GON4L: variants seen among roughly 807,000 people sequenced by gnomAD.
The protein encoded by GON4L is gon-4 like.
A neutral mutation model predicts 211.8 loss-of-function variants in GON4L; 87 were observed. The ratio of observed to expected loss-of-function variants is 0.41; its 90% CI spans 0.35 to 0.49. The LOEUF is 0.49. GON4L is among the 20% of genes least tolerant of loss of function. GON4L has a pLI of 0.15. For synonymous variants in GON4L, 875 were observed against 962.6 expected, an observed-to-expected ratio of 0.91 and a Z score of 1.68; for missense variants, 2,155 against 2,659.5, an observed-to-expected ratio of 0.81 and a Z score of 4.17.
chr1:155,802,521 G>A (rs898878194), intron 11 of GON4L, among the ~76,000 whole-genome samples: 1 of 152,008 alleles, frequency 6.6e-6, no homozygotes, highest in Non-Finnish European at 1.5e-5. Flanking sequence ...TCTTTCCAAG[G>A]TCCATTTCAA....
chr1:155,759,283 A>T (rs1321208317), intron 24 of GON4L, among the ~76,000 whole-genome samples: 8 of 152,172 alleles, frequency 5.3e-5, no homozygotes, highest in Admixed American at 1.3e-4. Context: ...CTTTAAAAAA[A>T]TTTTTTGGCC....
In GON4L at chr1:155,775,093, G is replaced by A; in HGVS notation, c.2259C>T (p.Pro753=). The A allele has an allele frequency of 1.2e-6, 2 of 1,613,940 alleles. No homozygotes were observed. Among genetic ancestry groups the A allele is most frequent in the Non-Finnish European group, 1.7e-6 (2 of 1,179,858 alleles). ...YNPKFQTLFQ[P]CNLMGAMQLI... is the part of the protein sequence containing the mutation. ...GCTGCATAGCTCCCATCAAGTTACA[G>A]GGTTGGAACAGGGTCTGAAACTTGG... The change falls in exon 17 of 32, where the codon CCC becomes CCT. Residue 753 remains proline (P), a synonymous_variant. Coordinates refer to ENST00000368331, the MANE Select transcript of GON4L (RefSeq NM_001282860.2).
At chr1:155,826,730 T>C (rs1349560940) in intron 3 of GON4L, 107 bp downstream of exon 3, 2 of 769,204 alleles carry the variant, frequency 2.6e-6, no homozygotes, top group Non-Finnish European at 4.4e-6. Context: ...TGTATTAAAT[T>C]TGTAAAAATA....
intron 26 of GON4L, 37 bp from the exon 27 acceptor site, chr1:155,757,114 G>A (rs746883699): frequency 1.9e-6 from 3 of 1,613,742 alleles, no homozygotes; most frequent in Non-Finnish European, 2.5e-6. Flanking sequence ...ACAGACACCA[G>A]GCCAATATCC....
chr1:155,803,247 CT>C (rs1017161138), intron 11 of GON4L, among the ~76,000 whole-genome samples: 169 of 141,066 alleles, frequency 1.2e-3, no homozygotes, highest in Middle Eastern at 3.7e-3. Flanking sequence ...ATTTCTTTTT[CT>C]TTTTTTTTTT....
At chr1:155,812,536 T>C (rs1667881379) in intron 10 of GON4L, among the ~76,000 whole-genome samples, 1 of 151,974 alleles carries the variant, frequency 6.6e-6, no homozygotes, top group South Asian at 2.1e-4. Flanking sequence ...TTTAATATAT[T>C]ATGTAATATT....
chr1:155,751,653 T>G, intron 31 of GON4L, 114 bp downstream of exon 31: 11 of 737,898 alleles, frequency 1.5e-5, no homozygotes, highest in Non-Finnish European at 2.6e-5. Context: ...AGATCAAACC[T>G]TTACAAAAAC....
At chr1:155,808,858 C>T (rs1489539244) in intron 10 of GON4L, among the ~76,000 whole-genome samples, 1 of 152,066 alleles carries the variant, frequency 6.6e-6, no homozygotes. Flanking sequence ...GTGATCCACT[C>T]TCCTTGGCCT....
intron 28 of GON4L, 139 bp downstream of exon 28, chr1:155,754,236 T>G: frequency 1.4e-6 from 1 of 714,788 alleles, no homozygotes; most frequent in Admixed American, 2.0e-5. Flanking sequence ...TTCCATTTAT[T>G]TTGCATATGT....
At chr1:155,783,116 T>A (rs970194216) in intron 14 of GON4L, among the ~76,000 whole-genome samples, 10 of 152,220 alleles carry the variant, frequency 6.6e-5, no homozygotes, top group Non-Finnish European at 1.0e-4. Context: ...ATGGGTCAAA[T>A]ACTGACTTAG....
Position 155,813,637 on chromosome 1 carries a change from G to A in GON4L, c.1449C>T (p.Phe483=), listed in dbSNP as rs1374088347. The part of the protein sequence containing the change: ...LASSPVCMDS[F]QPMDDSLIAF... ...TAAGTACAGTTTTAATATTTACCTG[G>A]AAAGAATCCATGCAGACTGGACTGG... is the stretch of plus-strand genomic sequence containing the variant. The change falls in exon 10 of 32, where the codon TTC becomes TTT. Residue 483 remains phenylalanine (F), a synonymous_variant. Coordinates refer to ENST00000368331, the MANE Select transcript of GON4L (RefSeq NM_001282860.2). The A allele has an allele frequency of 1.2e-6, 2 of 1,608,526 alleles. No individual in the cohort carries two copies. The highest frequency in any genetic ancestry group is 8.5e-7 in the Non-Finnish European group (1 of 1,175,010).
Position 155,810,111 on chromosome 1 carries a change from G to A in GON4L, c.1452+3523C>T, listed in dbSNP as rs555467218. Reference sequence around the variant, plus strand: ...CCTGGGTTAAAGCGATTTTCGTGCCGCAGCCTCCCGAGTAGCTGGGATTAC... The same window carrying A: ...CCTGGGTTAAAGCGATTTTCGTGCCACAGCCTCCCGAGTAGCTGGGATTAC... On this transcript the variant is annotated intron_variant, in intron 10 of 31. Transcript: ENST00000368331. Among the ~76,000 whole-genome samples the A allele has an allele frequency of 2.8e-3, 414 of 149,846 alleles. 3 individuals are homozygous for A. The highest frequency in any genetic ancestry group is 1.9e-3 in the Non-Finnish European group (126 of 67,666).
At chr1:155,776,521 C>T in intron 15 of GON4L, 40 bp from the exon 16 acceptor site, 1 of 1,383,760 alleles carries the variant, frequency 7.2e-7, no homozygotes, top group Non-Finnish European at 1.0e-6. Context: ...CATGTTACCA[C>T]ATTGTCATTT....
chr1:155,773,304 T>C, intron 17 of GON4L, 94 bp from the exon 18 acceptor site: 1 of 1,382,100 alleles, frequency 7.2e-7, no homozygotes, highest in South Asian at 1.2e-5. Flanking sequence ...AGGTAGGAGC[T>C]ATCCTTACCT....
At chr1:155,799,976 G>A (rs570845709) in intron 11 of GON4L, among the ~76,000 whole-genome samples, 3 of 152,270 alleles carry the variant, frequency 2.0e-5, no homozygotes, top group East Asian at 1.9e-4. Flanking sequence ...CGAGGAGGGC[G>A]GATCACCTGA....
rs1663773465 is a variant in GON4L at position 155,775,904 on chromosome 1, C to A, written c.2178+491G>T. ...GGCTCAAGCTATCCTTCCACCTCTGCCTCCCAAGTAGCTGAGACTACAGGT... is the reference window on the plus strand; with the variant it reads ...GGCTCAAGCTATCCTTCCACCTCTGACTCCCAAGTAGCTGAGACTACAGGT... On this transcript the variant is annotated intron_variant, in intron 16 of 31. Transcript: ENST00000368331. Among the ~76,000 whole-genome samples the A allele has an allele frequency of 2.6e-5, 4 of 152,186 alleles. 1 individual carries two copies. The South Asian group carries it at 8.3e-4, about 32-fold the overall frequency.
At chr1:155,761,412 G>A (rs1268413353) in intron 23 of GON4L, among the ~76,000 whole-genome samples, 1 of 150,980 alleles carries the variant, frequency 6.6e-6, no homozygotes. Flanking sequence ...GTCTTGTCTT[G>A]AACTCCTGGA....
intron 2 of GON4L, among the ~76,000 whole-genome samples, chr1:155,839,118 T>C (rs1462136340): frequency 6.6e-6 from 1 of 152,150 alleles, no homozygotes; most frequent in East Asian, 1.9e-4. Context: ...TATCTAAAGG[T>C]TGATTCAAAT....
chr1:155,779,356 C>T (rs1417193078), intron 14 of GON4L, among the ~76,000 whole-genome samples: 10 of 151,478 alleles, frequency 6.6e-5, no homozygotes, highest in African/African-American at 2.2e-4. Context: ...CTCGCTCTGA[C>T]GCCAAGCTGG....
Sources: gnomAD v4.1 joint callset for allele counts (sites outside exome capture counted in the v4.1 genomes callset) on GRCh38, gnomAD v4.1.1 for gene constraint, MANE v1.5 for transcripts, NCBI Gene and HGNC (gene_info 2026-07-23, HGNC 2026-07-21) for gene names.